Variants in PSME4 observed in about 807,000 individuals in gnomAD.
The protein encoded by PSME4 is proteasome activator complex subunit 4.
PSME4 carries 89 observed loss-of-function variants against 253.9 expected under a neutral mutation model. The observed-to-expected ratio is 0.35, with a 90% CI of 0.30 to 0.42. The LOEUF is 0.42. Ranked by LOEUF, PSME4 falls within the 10% of genes least tolerant of loss-of-function variation. The pLI is 1.00. For missense variants in PSME4, 2,014 were observed against 2,195.2 expected (o/e 0.92, Z 1.65); for synonymous variants, 851 against 759.2 (o/e 1.12, Z -1.99).
At chr2:53,958,617 T>A (rs536839573) in intron 1 of PSME4, among the ~76,000 whole-genome samples, 1 of 152,260 alleles carries the variant, frequency 6.6e-6, no homozygotes, top group East Asian at 1.9e-4. Context: ...TTCAGGACAA[T>A]AATGACTATT....
intron 20 of PSME4, among the ~76,000 whole-genome samples, chr2:53,913,064 T>A (rs1329879727): frequency 6.6e-6 from 1 of 152,178 alleles, no homozygotes. Context: ...ACTCATTCAC[T>A]AGTTCATTTT....
intron 29 of PSME4, 76 bp downstream of exon 29, chr2:53,899,787 CAGCCTGGGCAACAGAGCA>C: frequency 6.9e-7 from 1 of 1,444,970 alleles, no homozygotes; most frequent in Non-Finnish European, 9.4e-7. Flanking sequence ...CACTGTACTC[CAGCCTGGGCAACAGAGCA>C]AGACTCTGTC....
intron 1 of PSME4, among the ~76,000 whole-genome samples, chr2:53,954,706 T>A (rs1670153646): frequency 6.6e-6 from 1 of 151,944 alleles, no homozygotes; most frequent in Admixed American, 6.6e-5. Context: ...CTGGGCGTAG[T>A]GGCAGGCGTC....
chr2:53,865,278 G>C lies in PSME4; in HGVS notation c.*300C>G, dbSNP rs1678512629. On this transcript the variant is annotated 3_prime_UTR_variant, in exon 47 of 47. Coordinates refer to ENST00000404125, the MANE Select transcript of PSME4 (RefSeq NM_014614.3). ...GTTTCTTAATGAGTTCTGAGACTCT[G>C]GTCTTGGATGCCATGATCATACTGG... The C allele has an allele frequency of 6.6e-6, 1 of 152,552 alleles. No homozygotes were observed. The highest frequency in any genetic ancestry group is 2.4e-5 in the African/African-American group (1 of 41,398). 9.4% of individuals were successfully genotyped at this position (152,552 alleles called of 1,614,324 possible). A position where few individuals can be genotyped will look rare whatever the true frequency, so the allele number is the denominator to read the frequency against.
At chr2:53,946,482 T>G (rs1326004899) in intron 3 of PSME4, among the ~76,000 whole-genome samples, 2 of 152,258 alleles carry the variant, frequency 1.3e-5, no homozygotes, top group Non-Finnish European at 2.9e-5. Flanking sequence ...AGAAATTCCC[T>G]GACCTCTTAT....
chr2:53,919,379 A>C (rs1350335683), intron 19 of PSME4, 133 bp from the exon 20 acceptor site: 1 of 1,218,118 alleles, frequency 8.2e-7, no homozygotes, highest in Non-Finnish European at 1.1e-6. Context: ...TCTTCAGTTT[A>C]CCAACTTAAC....
chr2:53,946,260 A>G (rs771175211), intron 3 of PSME4, among the ~76,000 whole-genome samples: 2 of 152,244 alleles, frequency 1.3e-5, no homozygotes, highest in Non-Finnish European at 2.9e-5. Flanking sequence ...CATACTGAAG[A>G]ACAGGGTATC....
Position 53,949,275 on chromosome 2 carries a change from C to A in PSME4, c.251G>T (p.Arg84Leu). 1 of 1,584,498 alleles carries A rather than the reference C, an allele frequency of 6.3e-7. No individual in the cohort carries two copies. Among genetic ancestry groups the A allele is most frequent in the South Asian group, 1.1e-5 (1 of 87,006 alleles). ...TTTGCTAAATTTTCTCCCATAAAGT[C>A]GAATATATCTGCAAGAGAAAAATAG... ...FWTRKLSTYI[R>L]LYGRKFSKED... The change falls in exon 2 of 47, where the codon CGA becomes CTA. Residue 84 changes from arginine (R) to leucine (L), a missense_variant. Arg to Leu is a moderately radical substitution (Grantham distance 102). Transcript: ENST00000404125.
chr2:53,907,863 G>A (rs1241842571), intron 24 of PSME4: 1 of 153,210 alleles, frequency 6.5e-6, no homozygotes, highest in African/African-American at 2.4e-5. Flanking sequence ...TCTGGCGTAA[G>A]AATTCTGCCA....
At chr2:53,968,673 C>G (rs537029188) in intron 1 of PSME4, among the ~76,000 whole-genome samples, 57 of 152,320 alleles carry the variant, frequency 3.7e-4, no homozygotes, top group African/African-American at 1.4e-3. Context: ...TACCCAGTAG[C>G]ATTTCTTGCT....
chr2:53,948,917 G>A (rs1669846548), intron 2 of PSME4, among the ~76,000 whole-genome samples: 1 of 152,176 alleles, frequency 6.6e-6, no homozygotes, highest in African/African-American at 2.4e-5. Context: ...TATAAAAGGG[G>A]AAGTTCAATG....
At chr2:53,909,355 A>C (rs1300385194) in intron 21 of PSME4, among the ~76,000 whole-genome samples, 1 of 152,200 alleles carries the variant, frequency 6.6e-6, no homozygotes, top group East Asian at 1.9e-4. Context: ...TTTTACATAA[A>C]TGTTATTATA....
intron 36 of PSME4, among the ~76,000 whole-genome samples, chr2:53,890,828 G>C (rs1202370863): frequency 6.6e-6 from 1 of 152,118 alleles, no homozygotes; most frequent in East Asian, 1.9e-4. Flanking sequence ...AGGAGTTCAA[G>C]ATCAAGCTGG....
chr2:53,877,968 T>A (rs1383469202), intron 41 of PSME4, among the ~76,000 whole-genome samples: 1 of 152,182 alleles, frequency 6.6e-6, no homozygotes, highest in Non-Finnish European at 1.5e-5. Context: ...CCTGTTCTAC[T>A]GGGAAAAATC....
At chr2:53,893,830 C>A in intron 34 of PSME4, 31 bp from the exon 35 acceptor site, 1 of 1,547,700 alleles carries the variant, frequency 6.5e-7, no homozygotes, top group Non-Finnish European at 8.7e-7. Flanking sequence ...CAATATTCAG[C>A]GTTTAAAATC....
intron 36 of PSME4, among the ~76,000 whole-genome samples, chr2:53,890,560 G>C (rs1679858008): frequency 6.6e-6 from 1 of 152,128 alleles, no homozygotes; most frequent in South Asian, 2.1e-4. Flanking sequence ...TCTCACCTTG[G>C]CCTCCCAAAG....
chr2:53,900,708 C>T (rs953051358), intron 28 of PSME4, among the ~76,000 whole-genome samples: 2 of 152,094 alleles, frequency 1.3e-5, no homozygotes, highest in Non-Finnish European at 2.9e-5. Context: ...TAATGACAGT[C>T]GCAAATAGCA....
At position 53,866,188 on chromosome 2, in the gene PSME4, C is replaced by T; in HGVS notation, c.5433G>A (p.Arg1811=). ...GTTCCTGCCAGTTGTCATGGTGAGT[C>T]CTTCGGAAATTGGATAAGGTTTTTT... is the stretch of plus-strand genomic sequence containing the variant. ...TVKKTLSNFR[R]THHDNWQEHK... Residue 1811 remains arginine (R), a synonymous_variant, in exon 46 of 47, where the codon AGG becomes AGA. Transcript: ENST00000404125. The T allele has an allele frequency of 1.2e-6, 2 of 1,613,944 alleles. No individual in the cohort carries two copies. The highest frequency in any genetic ancestry group is 1.1e-5 in the South Asian group (1 of 91,046).
chr2:53,937,564 T>C (rs1000312459), intron 4 of PSME4, 24 bp from the exon 5 acceptor site: 4 of 1,600,896 alleles, frequency 2.5e-6, no homozygotes, highest in Non-Finnish European at 3.4e-6. Context: ...AAGGTTTTCA[T>C]GTATCTGATT....
Sources: allele counts gnomAD v4.1 joint callset (sites outside exome capture counted in the v4.1 genomes callset), GRCh38; gene constraint gnomAD v4.1.1; transcripts MANE v1.5; gene names NCBI Gene and HGNC (gene_info 2026-07-23, HGNC 2026-07-21).